Variants in MKLN1 observed in about 807,000 individuals in gnomAD.
MKLN1 encodes muskelin 1.
A neutral mutation model predicts 99.0 loss-of-function variants in MKLN1; 18 were observed. The ratio of observed to expected loss-of-function variants is 0.18; its 90% confidence interval spans 0.13 to 0.27. MKLN1 has a LOEUF of 0.27. MKLN1 is among the 10% of genes least tolerant of loss of function. The probability of loss-of-function intolerance (pLI) is 1.00; values close to 1 mark genes in which losing one functional copy is unlikely to be tolerated. For missense variants in MKLN1, 621 were observed against 875.9 expected (o/e 0.71, Z 3.67); for synonymous variants, 288 against 293.2 (o/e 0.98, Z 0.18).
intron 3 of MKLN1, among the ~76,000 whole-genome samples, chr7:131,313,263 T>C (rs1798602403): frequency 6.6e-6 from 1 of 152,232 alleles, no homozygotes; most frequent in Admixed American, 6.5e-5. Flanking sequence ...ACGTTTTCTA[T>C]AAGTCAGTGG....
At chr7:131,132,678 C>T (rs1025087299) in intron 1 of MKLN1, among the ~76,000 whole-genome samples, 2 of 152,030 alleles carry the variant, frequency 1.3e-5, no homozygotes, top group Middle Eastern at 3.4e-3. Flanking sequence ...TAATCCAGCA[C>T]TTTGGGAGGC....
At chr7:131,347,591 A>AATAAAGGGCCCAAATCCATTTTCAAAG (rs1799601680) in intron 1 of MKLN1, among the ~76,000 whole-genome samples, 1 of 152,172 alleles carries the variant, frequency 6.6e-6, no homozygotes, top group Non-Finnish European at 1.5e-5. Context: ...GTAAAGGAAA[A>AATAAAGGGCCCAAATCCATTTTCAAAG]ATAAAGGGCC....
intron 14 of MKLN1, 127 bp downstream of exon 14, chr7:131,464,535 G>A: frequency 1.8e-6 from 1 of 548,922 alleles, no homozygotes; most frequent in Non-Finnish European, 3.3e-6. Context: ...ACATTCAATA[G>A]AATAACAAAC....
intron 3 of MKLN1, among the ~76,000 whole-genome samples, chr7:131,298,160 A>G (rs1295254621): frequency 2.6e-5 from 4 of 151,770 alleles, no homozygotes; most frequent in Non-Finnish European, 5.9e-5. Flanking sequence ...AGTCCCAGAT[A>G]CTCGGGAGGC....
chr7:131,132,947 A>AAGAAAGAAAGAAAG (rs1554526877), intron 1 of MKLN1, among the ~76,000 whole-genome samples: 2 of 56,564 alleles, frequency 3.5e-5, no homozygotes, highest in African/African-American at 1.6e-4. Flanking sequence ...AAAAAAAAAA[A>AAGAAAGAAAGAAAG]AAAGAAAGAA....
At chr7:131,466,491 CAG>C (rs1796664504) in intron 15 of MKLN1, 76 bp downstream of exon 15, 3 of 1,095,408 alleles carry the variant, frequency 2.7e-6, no homozygotes, top group Non-Finnish European at 3.8e-6. Flanking sequence ...AATAATGAGA[CAG>C]TGTAAATACT....
chr7:131,327,829 G>A, upstream of MKLN1: 1 of 1,574,322 alleles, frequency 6.4e-7, no homozygotes, highest in South Asian at 1.1e-5. Context: ...CCCTTTAAGA[G>A]CAGGCCACGC....
intron 3 of MKLN1, among the ~76,000 whole-genome samples, chr7:131,241,823 T>A (rs1047825696): frequency 6.6e-6 from 1 of 152,208 alleles, no homozygotes; most frequent in Non-Finnish European, 1.5e-5. Context: ...TTTCTTTGAT[T>A]ACTTTCCCTC....
At chr7:131,368,359 G>GA (rs1388068147) in intron 1 of MKLN1, among the ~76,000 whole-genome samples, 3 of 152,164 alleles carry the variant, frequency 2.0e-5, no homozygotes, top group Non-Finnish European at 2.9e-5. Context: ...TTGATTTTCT[G>GA]ATGGTGTGTT....
intron 16 of MKLN1, among the ~76,000 whole-genome samples, chr7:131,475,580 G>A (rs1796941038): frequency 6.6e-6 from 1 of 152,226 alleles, no homozygotes; most frequent in African/African-American, 2.4e-5. Flanking sequence ...TTGGGAGGCT[G>A]AGGGGTGGAT....
chr7:131,251,606 C>A (rs1365559142), intron 3 of MKLN1, among the ~76,000 whole-genome samples: 1 of 151,762 alleles, frequency 6.6e-6, no homozygotes, highest in East Asian at 1.9e-4. Context: ...CTGCTGGAGG[C>A]AAACTTTGCT....
rs1357337070 is a variant in MKLN1, at chr7:131,399,050, C to T, written c.511-191C>T. 5.3e-5 allele frequency among the ~76,000 whole-genome samples: 8 copies of T among 152,192 alleles called. No individual in the cohort carries two copies. The East Asian group carries it at 1.5e-3, about 29-fold the overall frequency. ...TGTGACCTTGAGCAAGTTATTGGAA[C>T]AGGCCAAGCTTTAGTTTTGCTAGTT... On this transcript the variant is annotated intron_variant, in intron 5 of 17. Transcript: ENST00000352689.
At chr7:131,437,731 AT>A (rs543918028) in intron 9 of MKLN1, 53 bp from the exon 10 acceptor site, 460 of 1,314,600 alleles carry the variant, frequency 3.5e-4, no homozygotes, top group Non-Finnish European at 4.2e-4. Context: ...TTGTTCTTTG[AT>A]TTTTTTTTGC....
intron 7 of MKLN1, among the ~76,000 whole-genome samples, chr7:131,411,646 C>T (rs535144185): frequency 1.2e-4 from 18 of 152,018 alleles, no homozygotes; most frequent in African/African-American, 4.1e-4. Flanking sequence ...GTGGCTCACA[C>T]CTATAATCCC....
intron 1 of MKLN1, among the ~76,000 whole-genome samples, chr7:131,121,638 CAAAAAAAAAAAAAAAA>C (rs55908773): frequency 4.1e-5 from 3 of 72,820 alleles, no homozygotes; most frequent in Admixed American, 1.7e-4. Flanking sequence ...GACTCCGTCT[CAAAAAAAAAAAAAAAA>C]AAAAAAAAAA....
intron 1 of MKLN1, among the ~76,000 whole-genome samples, chr7:131,117,475 G>C (rs1397816311): frequency 3.6e-5 from 5 of 139,798 alleles, no homozygotes; most frequent in South Asian, 2.3e-4. Flanking sequence ...AACAAACAAA[G>C]AAAAAATAAA....
intron 8 of MKLN1, among the ~76,000 whole-genome samples, chr7:131,422,367 G>A (rs1176418167): frequency 1.3e-5 from 2 of 152,134 alleles, no homozygotes; most frequent in African/African-American, 2.4e-5. Context: ...GGGCAACACA[G>A]CAAGACCTCT....
intron 11 of MKLN1, among the ~76,000 whole-genome samples, chr7:131,444,103 A>G (rs1416181522): frequency 1.3e-5 from 2 of 152,102 alleles, no homozygotes; most frequent in African/African-American, 4.8e-5. Flanking sequence ...ATTTAAATGT[A>G]TCAGCAATGG....
Position 131,204,933 on chromosome 7 carries a change from CAA to C in MKLN1, c.-179+1973_-179+1974del, listed in dbSNP as rs61100568. On this transcript the variant is annotated intron_variant, in intron 3 of 7. Coordinates refer to the MKLN1 transcript ENST00000416992. ...TAGGCGACAGAGCAAGACTCCGTATCAAAAAAAAAAAAAAATTAGCTGGGTGT... is the reference window on the plus strand; with the variant it reads ...TAGGCGACAGAGCAAGACTCCGTATCAAAAAAAAAAAAATTAGCTGGGTGT... 4.7e-3 allele frequency among the ~76,000 whole-genome samples: 617 copies of C among 130,242 alleles called. 6 individuals are homozygous for C. The highest frequency in any genetic ancestry group is 0.017 in the African/African-American group (575 of 34,144). 85.4% of individuals were successfully genotyped at this position (130,242 alleles called of 152,430 possible).
Sources: allele counts gnomAD v4.1 joint callset (sites outside exome capture counted in the v4.1 genomes callset), GRCh38; gene constraint gnomAD v4.1.1; transcripts MANE v1.5; gene names NCBI Gene and HGNC (gene_info 2026-07-23, HGNC 2026-07-21).